Variants in DRGX observed in about 807,000 individuals in gnomAD.
DRGX encodes the protein dorsal root ganglia homeobox protein.
A neutral mutation model predicts 28.6 loss-of-function variants in DRGX; 21 were observed. The ratio of observed to expected loss-of-function variants is 0.73; its 90% confidence interval spans 0.52 to 1.06. The LOEUF is 1.06. Among genes scored for constraint, DRGX ranks in the 50% least tolerant of loss-of-function variants. The pLI, the probability that DRGX is intolerant of heterozygous loss-of-function variation, is 0.00. For missense variants in DRGX, 354 were observed against 343.9 expected (o/e 1.03, Z -0.23); for synonymous variants, 136 against 139.1 (o/e 0.98, Z 0.16).
At position 49,365,846 on chromosome 10, in the gene DRGX, G is replaced by T. The variant is rs973892337; in HGVS notation, c.*270C>A. ...CTCTGGGCCTGGATGGAAATCCCAGGGAGGCTCCTCACAGAGAGGGCTCTG... is the reference window on the plus strand; with the variant it reads ...CTCTGGGCCTGGATGGAAATCCCAGTGAGGCTCCTCACAGAGAGGGCTCTG... On this transcript the variant is annotated 3_prime_UTR_variant, in exon 7 of 7. Coordinates refer to ENST00000374139, the MANE Select transcript of DRGX (RefSeq NM_001276451.2). 36 of 346,260 alleles carry T rather than the reference G, an allele frequency of 1.0e-4. No homozygotes were observed. Among genetic ancestry groups the T allele is most frequent in the African/African-American group, 6.7e-4 (32 of 47,504 alleles). 21.4% of individuals were successfully genotyped at this position (346,260 alleles called of 1,614,324 possible). A position where few individuals can be genotyped will look rare whatever the true frequency, so the allele number is the denominator to read the frequency against.
intron 6 of DRGX, among the ~76,000 whole-genome samples, chr10:49,385,935 A>T (rs1564708336): frequency 6.6e-6 from 1 of 152,174 alleles, no homozygotes; most frequent in Non-Finnish European, 1.5e-5. Context: ...GCCAATCCAC[A>T]GAGGCTCCTC....
intron 6 of DRGX, among the ~76,000 whole-genome samples, chr10:49,382,425 A>G (rs1393253984): frequency 6.6e-6 from 1 of 152,186 alleles, no homozygotes; most frequent in Non-Finnish European, 1.5e-5. Context: ...CAGGCCTGAG[A>G]AAAGGAGAAC....
chr10:49,383,849 G>T (rs1355981066), intron 6 of DRGX, among the ~76,000 whole-genome samples: 1 of 152,244 alleles, frequency 6.6e-6, no homozygotes, highest in Admixed American at 6.5e-5. Flanking sequence ...CCAGCACTGT[G>T]AGACATAAAC....
intron 6 of DRGX, among the ~76,000 whole-genome samples, chr10:49,383,150 G>A (rs751181799): frequency 3.3e-5 from 5 of 152,210 alleles, no homozygotes; most frequent in African/African-American, 4.8e-5. Context: ...TTAGAATGCA[G>A]AGGTGCCACG....
intron 1 of DRGX, among the ~76,000 whole-genome samples, 199 bp downstream of exon 1, chr10:49,395,736 C>T (rs546692796): frequency 6.6e-6 from 1 of 152,340 alleles, no homozygotes; most frequent in African/African-American, 2.4e-5. Context: ...CGTGCCCTCA[C>T]CCTGGCCCCA....
intron 6 of DRGX, 53 bp downstream of exon 6, chr10:49,386,425 C>T (rs1849836646): frequency 6.9e-7 from 1 of 1,446,684 alleles, no homozygotes; most frequent in South Asian, 1.4e-5. Flanking sequence ...GTCACACAAA[C>T]TCCACCAACC....
chr10:49,385,968 C>T (rs530319118), intron 6 of DRGX, among the ~76,000 whole-genome samples: 5 of 152,198 alleles, frequency 3.3e-5, no homozygotes, highest in South Asian at 2.1e-4. Flanking sequence ...ACAAAATGCC[C>T]CTAACGATTT....
chr10:49,392,937 G>A (rs917933148), intron 2 of DRGX, among the ~76,000 whole-genome samples: 1 of 152,172 alleles, frequency 6.6e-6, no homozygotes, highest in Non-Finnish European at 1.5e-5. Flanking sequence ...GTACAGATAT[G>A]AGTATCATAA....
At chr10:49,369,882 G>A (rs1022795103) in intron 6 of DRGX, among the ~76,000 whole-genome samples, 18 of 152,040 alleles carry the variant, frequency 1.2e-4, no homozygotes, top group African/African-American at 2.9e-4. Context: ...CTCCTGCAGT[G>A]AGCAACAATC....
At chr10:49,395,177 G>A (rs537690086) in intron 2 of DRGX, among the ~76,000 whole-genome samples, 56 of 152,322 alleles carry the variant, frequency 3.7e-4, no homozygotes, top group African/African-American at 1.3e-3. Context: ...AGCCCGGGGC[G>A]TCCTGGCCCA....
chr10:49,391,329 G>T (rs771063342), intron 2 of DRGX, 68 bp from the exon 3 acceptor site: 3 of 1,320,618 alleles, frequency 2.3e-6, no homozygotes, highest in South Asian at 1.2e-5. Flanking sequence ...CCCAGACACA[G>T]TTCAGAGGGC....
rs1014858768 is a variant in DRGX, at chr10:49,391,432, C to T, written c.35-171G>A. On this transcript the variant is annotated intron_variant, in intron 2 of 6. Transcript: ENST00000374139. Reference sequence around the variant, plus strand: ...AATCCTCCTCTTTTCCACTCTGTCCCCAAAACCTCTGACTTTAAATCCAGG... The same window carrying T: ...AATCCTCCTCTTTTCCACTCTGTCCTCAAAACCTCTGACTTTAAATCCAGG... The T allele has an allele frequency of 1.0e-4, 65 of 627,884 alleles. No homozygotes were observed. The South Asian group carries it at 1.2e-3, about 11-fold the overall frequency. The allele number at this position is 627,884 out of a possible 1,614,324, so 38.9% of individuals were successfully genotyped here. A position where few individuals can be genotyped will look rare whatever the true frequency, so the allele number is the denominator to read the frequency against.
At chr10:49,386,043 A>G (rs1343710557) in intron 6 of DRGX, among the ~76,000 whole-genome samples, 1 of 151,920 alleles carries the variant, frequency 6.6e-6, no homozygotes, top group African/African-American at 2.4e-5. Flanking sequence ...ACAAATCCTA[A>G]CGGCTCAGAC....
At position 49,366,312 on chromosome 10, in the gene DRGX, T is replaced by C. The variant is rs760356952; in HGVS notation, c.596A>G (p.Gln199Arg). The change falls in exon 7 of 7, where the codon CAG becomes CGG. Residue 199 changes from glutamine to arginine, a missense_variant. Gln to Arg is a conservative substitution (Grantham distance 43). Coordinates refer to ENST00000374139, the MANE Select transcript of DRGX (RefSeq NM_001276451.2). ...GGCCACGCTGGCCGTGCGGTTACTC[T>C]GGCAGCCATAGGTGGGAAGGAAGGA... ...GLSFLPTYGC[Q>R]SNRTASVATL... 1.9e-6 allele frequency: 3 copies of C among 1,613,920 alleles called. No homozygotes were observed. The South Asian group carries it at 3.3e-5, about 18-fold the overall frequency.
intron 2 of DRGX, 54 bp from the exon 3 acceptor site, chr10:49,391,315 C>G (rs769828017): frequency 1.4e-6 from 2 of 1,471,574 alleles, no homozygotes; most frequent in Middle Eastern, 1.7e-4. Context: ...GTCCTCAGAC[C>G]GCCCCCAGAC....
rs938731500 is a variant in DRGX at position 49,365,026 on chromosome 10, G to T, written c.*1090C>A. 1 of 152,160 alleles carries T rather than the reference G, an allele frequency of 6.6e-6. No individual in the cohort carries two copies. The highest frequency in any genetic ancestry group is 2.1e-4 in the South Asian group (1 of 4,824). 9.4% of individuals were successfully genotyped at this position (152,160 alleles called of 1,614,324 possible). On this transcript the variant is annotated 3_prime_UTR_variant, in exon 7 of 7. Transcript: ENST00000374139. ...AAAACAGCCACACTAGACCAAAACAGAAATCTCTGTGAAATTTGGCCCTTT... is the reference window on the plus strand; with the variant it reads ...AAAACAGCCACACTAGACCAAAACATAAATCTCTGTGAAATTTGGCCCTTT...
At chr10:49,375,443 C>A (rs908631897) in intron 6 of DRGX, among the ~76,000 whole-genome samples, 3 of 152,212 alleles carry the variant, frequency 2.0e-5, no homozygotes, top group African/African-American at 4.8e-5. Context: ...AGGTTCTAAG[C>A]TTCCTCAATA....
At chr10:49,378,022 TG>T (rs1849734342) in intron 6 of DRGX, among the ~76,000 whole-genome samples, 2 of 152,178 alleles carry the variant, frequency 1.3e-5, no homozygotes, top group South Asian at 4.1e-4. Context: ...ACATCTAATT[TG>T]GGTCTATTCC....
chr10:49,386,929 G>A, intron 4 of DRGX, 71 bp from the exon 5 acceptor site: 1 of 1,473,120 alleles, frequency 6.8e-7, no homozygotes, highest in African/African-American at 1.4e-5. Flanking sequence ...CCTGGACCCA[G>A]TGCTGGCACT....
Sources: gnomAD v4.1 joint callset for allele counts (sites outside exome capture counted in the v4.1 genomes callset) on GRCh38, gnomAD v4.1.1 for gene constraint, MANE v1.5 for transcripts, NCBI Gene and HGNC (gene_info 2026-07-23, HGNC 2026-07-21) for gene names.